CHDH: variants seen among roughly 807,000 people sequenced by gnomAD.
CHDH encodes the protein choline dehydrogenase, mitochondrial.
In CHDH, 43 loss-of-function variants were observed where a neutral mutation model predicts 56.9. The ratio of observed to expected loss-of-function variants is 0.76; its 90% CI spans 0.59 to 0.97. CHDH has a LOEUF of 0.97. CHDH is among the 50% of genes least tolerant of loss of function. The pLI, the probability that CHDH is intolerant of heterozygous loss-of-function variation, is 0.00. For missense variants in CHDH, 816 were observed against 821.1 expected, an observed-to-expected ratio of 0.99 and a Z score of 0.08; for synonymous variants, 364 against 348.5, an observed-to-expected ratio of 1.04 and a Z score of -0.50.
At position 53,823,722 on chromosome 3, in the gene CHDH, G is replaced by A; in HGVS notation, c.287C>T (p.Ala96Val). 3 of 1,552,126 alleles carry A rather than the reference G, an allele frequency of 1.9e-6. No individual in the cohort carries two copies. The highest frequency in any genetic ancestry group is 2.6e-6 in the Non-Finnish European group (3 of 1,148,800). Residue 96 changes from alanine (A) to valine (V), a missense_variant, in exon 3 of 9, where the codon GCC becomes GTC. Transcript: ENST00000315251. ...WKIHMPAALV[A>V]NLCDDRYNWC... ...GTTGTACCTGTCGTCGCACAGGTTGGCCACCAGGGCCGCGGGCATGTGGAT... is the reference window on the plus strand; with the variant it reads ...GTTGTACCTGTCGTCGCACAGGTTGACCACCAGGGCCGCGGGCATGTGGAT...
At chr3:53,831,501 G>C (rs1297133895) in intron 2 of CHDH, among the ~76,000 whole-genome samples, 1 of 152,256 alleles carries the variant, frequency 6.6e-6, no homozygotes, top group African/African-American at 2.4e-5. Context: ...CACAGTCCCA[G>C]TGTTGGTGGC....
At chr3:53,831,325 T>C (rs1698325584) in intron 2 of CHDH, among the ~76,000 whole-genome samples, 1 of 152,236 alleles carries the variant, frequency 6.6e-6, no homozygotes, top group African/African-American at 2.4e-5. Context: ...GCCCGGGGCC[T>C]GGGGAAACTT....
At chr3:53,834,090 CTTTCA>C (rs1407889234) in intron 2 of CHDH, among the ~76,000 whole-genome samples, 1 of 152,226 alleles carries the variant, frequency 6.6e-6, no homozygotes, top group East Asian at 1.9e-4. Flanking sequence ...TGGCTGGTGG[CTTTCA>C]TTGCCATAGC....
chr3:53,837,023 T>TA (rs1056023303), intron 2 of CHDH, among the ~76,000 whole-genome samples: 2 of 151,510 alleles, frequency 1.3e-5, no homozygotes, highest in Admixed American at 6.6e-5. Context: ...AAATTTTTTC[T>TA]AAAAAAAAAC....
rs2095629043 is a variant in CHDH, at chr3:53,822,484, C to T, written c.855+7G>A. On this transcript the variant is annotated splice_region_variant and intron_variant, in intron 4 of 8. Transcript: ENST00000315251. Reference sequence around the variant, plus strand: ...TTCTTCCAGGACCCCAGCTGCAGTCCACTCACCCTGTGGCTCTGGCCATTC... The same window carrying T: ...TTCTTCCAGGACCCCAGCTGCAGTCTACTCACCCTGTGGCTCTGGCCATTC... The T allele has an allele frequency of 6.2e-7, 1 of 1,604,246 alleles. No homozygotes were observed. The highest frequency in any genetic ancestry group is 8.5e-7 in the Non-Finnish European group (1 of 1,172,934).
intron 3 of CHDH, among the ~76,000 whole-genome samples, 186 bp from the exon 4 acceptor site, chr3:53,822,828 T>C (rs1576782903): frequency 1.3e-5 from 2 of 152,032 alleles, no homozygotes; most frequent in East Asian, 3.9e-4. Flanking sequence ...CTGCCTGGGG[T>C]CCCCTGGAGG....
chr3:53,840,978 C>G lies in CHDH; in HGVS notation c.-109G>C, dbSNP rs1055631085. 6.6e-6 allele frequency: 1 copy of G among 152,228 alleles called. No homozygotes were observed. Among genetic ancestry groups the G allele is most frequent in the Non-Finnish European group, 1.5e-5 (1 of 68,002 alleles). 9.4% of individuals were successfully genotyped at this position (152,228 alleles called of 1,614,324 possible). On this transcript the variant is annotated 5_prime_UTR_variant, in exon 2 of 9. Transcript: ENST00000315251. ...CGGTGCACTCTGTGACCGGGGCTGGCCTACACACTCTTTGTGATTGTCTGA... is the reference window on the plus strand; with the variant it reads ...CGGTGCACTCTGTGACCGGGGCTGGGCTACACACTCTTTGTGATTGTCTGA...
chr3:53,822,877 A>G (rs2095630457), intron 3 of CHDH, among the ~76,000 whole-genome samples: 1 of 152,202 alleles, frequency 6.6e-6, no homozygotes. Context: ...ACAGGAGGAC[A>G]CAGAGACCAG....
At chr3:53,836,148 A>G (rs1698487165) in intron 2 of CHDH, among the ~76,000 whole-genome samples, 1 of 152,118 alleles carries the variant, frequency 6.6e-6, no homozygotes, top group Non-Finnish European at 1.5e-5. Context: ...GGTGGGAAGG[A>G]TCCCAGTTTG....
intron 1 of CHDH, among the ~76,000 whole-genome samples, chr3:53,844,203 C>CTGGGTCT (rs1698776470): frequency 6.6e-6 from 1 of 152,226 alleles, no homozygotes; most frequent in East Asian, 1.9e-4. Context: ...GCCACTTGGC[C>CTGGGTCT]TGGGTCTTGG....
rs367721140 is a variant in CHDH, at chr3:53,823,419, G to A, written c.590C>T (p.Pro197Leu). The A allele has an allele frequency of 1.4e-5, 22 of 1,592,064 alleles. No individual in the cohort carries two copies. The highest frequency in any genetic ancestry group is 2.3e-5 in the South Asian group (2 of 87,784). The change falls in exon 3 of 9, where the codon CCG becomes CTG. Residue 197 changes from proline to leucine, a missense_variant. Transcript: ENST00000315251. ...LRVSRGKTNHPLHCAFLEATQ... is the reference protein window; with the variant it reads ...LRVSRGKTNHLLHCAFLEATQ... ...GGCCTCCAGGAATGCGCAGTGCAGC[G>A]GGTGGTTGGTCTTGCCCCGGGACAC...
At position 53,846,213 on chromosome 3, in the gene CHDH, T is replaced by G. The variant is rs2106995871; in HGVS notation, c.-261A>C. The G allele has an allele frequency of 5.2e-5, 10 of 193,016 alleles. No homozygotes were observed. The highest frequency in any genetic ancestry group is 7.3e-5 in the Non-Finnish European group (7 of 95,390). 12.0% of individuals were successfully genotyped at this position (193,016 alleles called of 1,614,324 possible). On this transcript the variant is annotated 5_prime_UTR_variant, in exon 1 of 9. Transcript: ENST00000315251. ...CCCCGCGCGCTCTCTGCGTCCGGAA[T>G]GGGGACGCAGCAGTTCCGACCCGGT...
In CHDH at chr3:53,821,860, C is replaced by A. The variant is rs1432690034; in HGVS notation, c.856-84G>T. 3 of 1,534,104 alleles carry A rather than the reference C, an allele frequency of 2.0e-6. No homozygotes were observed. The African/African-American group carries it at 4.1e-5, about 21-fold the overall frequency. ...ACCAGCGCCCTACTCTAGCCAGCAC[C>A]ATGAGAACACAGCCTTGGGATGTAG... On this transcript the variant is annotated intron_variant, in intron 4 of 8. Coordinates refer to ENST00000315251, the MANE Select transcript of CHDH (RefSeq NM_018397.5).
In CHDH at chr3:53,812,444, C is replaced by T. The variant is rs1425370466; in HGVS notation, c.*5333G>A. ...CTAAAATATTTTGAGTCACTATAAA[C>T]CTATCATCTTTCCACAAGATATACC... On this transcript the variant is annotated 3_prime_UTR_variant, in exon 9 of 9. Transcript: ENST00000315251. 6.6e-6 allele frequency: 1 copy of T among 152,156 alleles called. No homozygotes were observed. Among genetic ancestry groups the T allele is most frequent in the East Asian group, 1.9e-4 (1 of 5,198 alleles). 9.4% of individuals were successfully genotyped at this position (152,156 alleles called of 1,614,324 possible). A position where few individuals can be genotyped will look rare whatever the true frequency, so the allele number is the denominator to read the frequency against.
rs377715549 is a variant in CHDH, at chr3:53,822,628, C to T, written c.718G>A (p.Ala240Thr). ...GCTGGGTGCAGGTAGGCACAGGCCGCGCTCCACCGTTTGCCTGCAGGATGG... is the reference window on the plus strand; with the variant it reads ...GCTGGGTGCAGGTAGGCACAGGCCGTGCTCCACCGTTTGCCTGCAGGATGG... ...MTIHEGKRWS[A>T]ACAYLHPALS... The change falls in exon 4 of 9, where the codon GCG becomes ACG. Residue 240 changes from alanine to threonine, a missense_variant. Transcript: ENST00000315251. 5.5e-5 allele frequency: 89 copies of T among 1,608,622 alleles called. No individual in the cohort carries two copies. The highest frequency in any genetic ancestry group is 1.6e-4 in the Middle Eastern group (1 of 6,078).
intron 2 of CHDH, among the ~76,000 whole-genome samples, chr3:53,839,419 G>A (rs1698605392): frequency 6.6e-6 from 1 of 152,190 alleles, no homozygotes; most frequent in African/African-American, 2.4e-5. Flanking sequence ...AGAGAGGAAG[G>A]GAAGCCTACA....
chr3:53,822,267 G>A (rs2095628426), intron 4 of CHDH, among the ~76,000 whole-genome samples: 1 of 151,898 alleles, frequency 6.6e-6, no homozygotes, highest in South Asian at 2.1e-4. Context: ...ATTAGGCATG[G>A]CACACAGGGG....
chr3:53,843,461 A>G (rs1436620934), intron 1 of CHDH, among the ~76,000 whole-genome samples: 2 of 152,054 alleles, frequency 1.3e-5, no homozygotes, highest in Non-Finnish European at 2.9e-5. Flanking sequence ...GTGGCTGCAC[A>G]GAGTCTGTGC....
intron 2 of CHDH, among the ~76,000 whole-genome samples, chr3:53,827,300 C>A (rs62250933): frequency 0.095 from 14,465 of 152,080 alleles, 909 homozygotes; most frequent in East Asian, 0.18. Context: ...CTGCTCCAGC[C>A]ATGTAAGACA....
Sources: allele counts gnomAD v4.1 joint callset (sites outside exome capture counted in the v4.1 genomes callset), GRCh38; gene constraint gnomAD v4.1.1; transcripts MANE v1.5; gene names NCBI Gene and HGNC (gene_info 2026-07-23, HGNC 2026-07-21).